TRAK1: variants seen among roughly 807,000 people sequenced by gnomAD.
TRAK1 encodes trafficking kinesin protein 1.
Under a neutral mutation model 92.1 loss-of-function variants are expected in TRAK1, and 33 were observed. That is an observed-to-expected ratio of 0.36 (90% CI 0.27 to 0.48). The LOEUF (loss-of-function observed/expected upper bound fraction) is 0.48. TRAK1 is among the 20% of genes least tolerant of loss of function. TRAK1 has a pLI of 0.99. For synonymous variants in TRAK1, 521 were observed against 517.3 expected (o/e 1.01, Z -0.10); for missense variants, 1,123 against 1,257.9 (o/e 0.89, Z 1.62).
chr3:42,035,842 G>T (rs1184290947), intron 1 of TRAK1, among the ~76,000 whole-genome samples: 1 of 152,190 alleles, frequency 6.6e-6, no homozygotes, highest in Admixed American at 6.5e-5. Context: ...CCCTTCTCCA[G>T]GACTTTTGCT....
intron 2 of TRAK1, among the ~76,000 whole-genome samples, chr3:42,131,768 C>T (rs1697226558): frequency 6.7e-6 from 1 of 149,208 alleles, no homozygotes; most frequent in Admixed American, 6.7e-5. Context: ...AAAAAAAATA[C>T]AATCCTTGGC....
intron 2 of TRAK1, among the ~76,000 whole-genome samples, chr3:42,142,867 C>T (rs1698842863): frequency 1.3e-5 from 2 of 152,198 alleles, no homozygotes; most frequent in African/African-American, 4.8e-5. Context: ...ATTGTCACAA[C>T]ACAGTGCATG....
chr3:42,046,078 C>T (rs1269718088), intron 1 of TRAK1, among the ~76,000 whole-genome samples: 1 of 152,134 alleles, frequency 6.6e-6, no homozygotes, highest in African/African-American at 2.4e-5. Context: ...CTACACATCT[C>T]TGAGCCTGCA....
chr3:42,124,253 TG>T (rs200225023), intron 1 of TRAK1, among the ~76,000 whole-genome samples: 374 of 152,348 alleles, frequency 2.5e-3, no homozygotes, highest in Admixed American at 4.4e-3. Context: ...CCTGTCTAGT[TG>T]TGTGCACCAC....
Position 42,146,303 on chromosome 3 carries a change from G to A in TRAK1, c.286+20689G>A, listed in dbSNP as rs542818230. 5.2e-5 allele frequency: 16 copies of A among 306,294 alleles called. No individual in the cohort carries two copies. In the South Asian group the frequency reaches 6.4e-4, roughly 12 times the overall value. The allele number at this position is 306,294 out of a possible 1,614,324, so 19.0% of individuals were successfully genotyped here. The stretch of plus-strand genomic sequence containing the variant: ...TTGTCTTGCCATTCTTCCAGAGTTC[G>A]TACTTGGTTTTCCTGACCTCAGTAT... On this transcript the variant is annotated intron_variant, in intron 2 of 15. Transcript: ENST00000327628.
chr3:42,091,097 A>T (rs1054285111), upstream of TRAK1: 1 of 229,014 alleles, frequency 4.4e-6, no homozygotes, highest in African/African-American at 2.4e-5. Context: ...CCCAGTTCCC[A>T]GCAAGCCCTG....
intron 2 of TRAK1, among the ~76,000 whole-genome samples, chr3:42,130,653 C>T (rs1293606836): frequency 6.6e-6 from 1 of 152,118 alleles, no homozygotes; most frequent in Non-Finnish European, 1.5e-5. Flanking sequence ...ATGCAGGCAG[C>T]TCTTGAGGCC....
chr3:42,218,403 C>T, intron 14 of TRAK1: 1 of 983,026 alleles, frequency 1.0e-6, no homozygotes, highest in African/African-American at 1.8e-5. Flanking sequence ...CAGTTTTCTC[C>T]CAGGAGGTCT....
intron 1 of TRAK1, among the ~76,000 whole-genome samples, chr3:42,046,447 G>A (rs143034705): frequency 2.8e-4 from 42 of 152,118 alleles, no homozygotes; most frequent in African/African-American, 8.4e-4. Context: ...ACGTCTCTAC[G>A]GCAGGGTAGA....
intron 2 of TRAK1, among the ~76,000 whole-genome samples, chr3:42,165,033 A>G (rs1288267800): frequency 6.6e-6 from 1 of 152,154 alleles, no homozygotes; most frequent in African/African-American, 2.4e-5. Context: ...ATTTCTTCTC[A>G]TCAGGTTACT....
At chr3:42,018,725 TTG>T (rs1701619807) in intron 1 of TRAK1, among the ~76,000 whole-genome samples, 1 of 152,222 alleles carries the variant, frequency 6.6e-6, no homozygotes, top group African/African-American at 2.4e-5. Context: ...CATGATTATG[TTG>T]ATTAAAAGAT....
At chr3:42,116,390 G>T (rs1382602427) in intron 1 of TRAK1, among the ~76,000 whole-genome samples, 1 of 152,244 alleles carries the variant, frequency 6.6e-6, no homozygotes, top group African/African-American at 2.4e-5. Context: ...AATCTCTGAA[G>T]ATGTTCAGCT....
chr3:42,021,439 T>C (rs574236112), intron 1 of TRAK1, among the ~76,000 whole-genome samples: 1 of 152,330 alleles, frequency 6.6e-6, no homozygotes, highest in Admixed American at 6.5e-5. Context: ...ACAGTGTAGA[T>C]ACAATGCAGC....
chr3:42,220,654 G>A lies in TRAK1; in HGVS notation c.2066+1058G>A, dbSNP rs933368299. 5.3e-5 allele frequency: 51 copies of A among 961,130 alleles called. 1 individual carries two copies. Among genetic ancestry groups the A allele is most frequent in the Non-Finnish European group, 5.9e-5 (48 of 808,148 alleles). The allele number at this position is 961,130 out of a possible 1,614,324, so 59.5% of individuals were successfully genotyped here. ...CCTGTGGAAGGAGCTGTGTGTGCAC[G>A]CGTGGCCGCCACTAACCCGGGGACT... On this transcript the variant is annotated intron_variant, in intron 15 of 15. Coordinates refer to ENST00000327628, the MANE Select transcript of TRAK1 (RefSeq NM_001042646.3).
At chr3:42,085,605 C>A (rs966739124), upstream of TRAK1, among the ~76,000 whole-genome samples, 1 of 152,196 alleles carries the variant, frequency 6.6e-6, no homozygotes, top group African/African-American at 2.4e-5. Flanking sequence ...CTGTAGTTTT[C>A]TTTCAGAACT....
In TRAK1 at chr3:42,223,353, C is replaced by T. The variant is rs372654773; in HGVS notation, c.2478C>T (p.Asn826=). Residue 826 remains asparagine (N), a synonymous_variant, in exon 16 of 16, where the codon AAC becomes AAT. Transcript: ENST00000327628. The surrounding 1 kb of genome is among the most constrained non-coding windows in gnomAD (Gnocchi z 6.1). ...SSILREVREK[N]VRSSESQTDV... Reference sequence around the variant, plus strand: ...TCCTGAGGGAAGTGAGAGAAAAGAACGTCCGCAGCAGCGAGAGCCAGACCG... The same window carrying T: ...TCCTGAGGGAAGTGAGAGAAAAGAATGTCCGCAGCAGCGAGAGCCAGACCG... 55 of 1,614,212 alleles carry T rather than the reference C, an allele frequency of 3.4e-5. No homozygotes were observed. The highest frequency in any genetic ancestry group is 3.3e-4 in the Middle Eastern group (2 of 6,062).
chr3:42,163,125 A>G lies in TRAK1; in HGVS notation c.287-13689A>G, dbSNP rs371706090. Reference sequence around the variant, plus strand: ...TATAGGTTTATGGGAGGAAATGTGAACAACTTGTCTAAAGTCACACAGTGA... The same window carrying G: ...TATAGGTTTATGGGAGGAAATGTGAGCAACTTGTCTAAAGTCACACAGTGA... On this transcript the variant is annotated intron_variant, in intron 2 of 15. Coordinates refer to ENST00000327628, the MANE Select transcript of TRAK1 (RefSeq NM_001042646.3). Among the ~76,000 whole-genome samples the G allele has an allele frequency of 5.3e-4, 81 of 152,362 alleles. 1 individual carries two copies. The South Asian group carries it at 0.011, about 20-fold the overall frequency.
intron 2 of TRAK1, among the ~76,000 whole-genome samples, chr3:42,153,174 G>T (rs893597763): frequency 6.6e-6 from 1 of 152,124 alleles, no homozygotes; most frequent in African/African-American, 2.4e-5. Context: ...AGGCTAAAGG[G>T]GGGAGGATCA....
intron 1 of TRAK1, among the ~76,000 whole-genome samples, chr3:42,079,477 CTTTTT>C (rs748826131): frequency 7.3e-6 from 1 of 136,250 alleles, no homozygotes; most frequent in Admixed American, 7.6e-5. Context: ...GCTCCTTCTT[CTTTTT>C]TTTTTTTTTT....
Sources: allele counts gnomAD v4.1 joint callset (sites outside exome capture counted in the v4.1 genomes callset), GRCh38; gene constraint gnomAD v4.1.1; non-coding constraint Gnocchi (gnomAD v3.1); transcripts MANE v1.5; gene names NCBI Gene and HGNC (gene_info 2026-07-23, HGNC 2026-07-21).